ADCK1: variants seen among roughly 807,000 people sequenced by gnomAD.
The protein encoded by ADCK1 is aarF domain containing kinase 1.
In ADCK1, 41 loss-of-function variants were observed where a neutral mutation model predicts 52.3. The ratio of observed to expected loss-of-function variants is 0.78; its 90% CI spans 0.61 to 1.02. ADCK1 has a LOEUF of 1.02. Among genes scored for constraint, ADCK1 ranks in the 50% least tolerant of loss-of-function variants. ADCK1 has a pLI of 0.00. For missense variants in ADCK1, 658 were observed against 679.5 expected (o/e 0.97, Z 0.35); for synonymous variants, 250 against 274.6 (o/e 0.91, Z 0.89).
At chr14:77,908,338 A>C (rs935398377) in intron 7 of ADCK1, 1 of 161,530 alleles carries the variant, frequency 6.2e-6, no homozygotes, top group African/African-American at 2.4e-5. Flanking sequence ...AGGGGACAGC[A>C]GCAACCAACT....
At chr14:77,857,753 G>GC (rs2082451750) in intron 3 of ADCK1, among the ~76,000 whole-genome samples, 1 of 152,086 alleles carries the variant, frequency 6.6e-6, no homozygotes, top group South Asian at 2.1e-4. Context: ...TGATTTTATG[G>GC]CCCCCAATAT....
chr14:77,813,637 C>T (rs1178604264), intron 1 of ADCK1, among the ~76,000 whole-genome samples: 1 of 151,954 alleles, frequency 6.6e-6, no homozygotes, highest in Admixed American at 6.6e-5. Context: ...CCTTAAAAAT[C>T]GTTGCTTGCA....
chr14:77,867,646 G>A (rs1442362349), intron 4 of ADCK1, among the ~76,000 whole-genome samples: 1 of 152,136 alleles, frequency 6.6e-6, no homozygotes, highest in Non-Finnish European at 1.5e-5. Flanking sequence ...GGCAATGGTC[G>A]AGGTGGCCCT....
intron 4 of ADCK1, among the ~76,000 whole-genome samples, chr14:77,870,007 G>A (rs986946591): frequency 2.6e-5 from 4 of 152,196 alleles, no homozygotes; most frequent in Admixed American, 6.5e-5. Flanking sequence ...TTATAAAAAC[G>A]TGAGAATGGA....
intron 2 of ADCK1, among the ~76,000 whole-genome samples, chr14:77,819,647 T>C (rs1202161194): frequency 6.6e-6 from 1 of 152,238 alleles, no homozygotes; most frequent in Non-Finnish European, 1.5e-5. Context: ...GAATATTTTA[T>C]GTTTAGAGGT....
intron 6 of ADCK1, 27 bp downstream of exon 6, chr14:77,899,285 A>G (rs769863179): frequency 8.1e-6 from 13 of 1,612,786 alleles, no homozygotes; most frequent in Middle Eastern, 1.6e-4. Context: ...AATGCAGGGT[A>G]TGGTGGTCTG....
At chr14:77,822,037 A>T (rs1396997872) in intron 2 of ADCK1, among the ~76,000 whole-genome samples, 1 of 149,544 alleles carries the variant, frequency 6.7e-6, no homozygotes, top group Non-Finnish European at 1.5e-5. Flanking sequence ...TGTGCCTGGC[A>T]GTGTAAAAGG....
intron 4 of ADCK1, among the ~76,000 whole-genome samples, chr14:77,874,395 G>A (rs1466232712): frequency 6.6e-6 from 1 of 152,168 alleles, no homozygotes; most frequent in Non-Finnish European, 1.5e-5. Context: ...TGGAGGAGGT[G>A]AGAGGTGAGC....
chr14:77,900,706 C>G (rs974009924), intron 6 of ADCK1: 1 of 419,048 alleles, frequency 2.4e-6, no homozygotes. Flanking sequence ...CAATGTGGCA[C>G]GGCTCTGCTG....
In ADCK1 at chr14:77,843,392, T is replaced by C. The variant is rs918746079; in HGVS notation, c.220-15684T>C. On this transcript the variant is annotated intron_variant, in intron 3 of 10. Transcript: ENST00000238561. ...ATTGCCATTCCAGAGATGCCCTCAC[T>C]CTTCTAGCCGCTGAACAACTGTTGA... Among the ~76,000 whole-genome samples, 6 of 152,168 alleles carry C rather than the reference T, an allele frequency of 3.9e-5. 1 individual carries two copies. The highest frequency in any genetic ancestry group is 3.9e-4 in the Admixed American group (6 of 15,266).
At chr14:77,814,647 G>C (rs898961738) in intron 1 of ADCK1, among the ~76,000 whole-genome samples, 1 of 131,040 alleles carries the variant, frequency 7.6e-6, no homozygotes, top group African/African-American at 2.9e-5. Flanking sequence ...GCAGTAAGTT[G>C]AGATTGTGCC....
chr14:77,883,128 G>T lies in ADCK1; in HGVS notation c.424-3963G>T, dbSNP rs370053794. Among the ~76,000 whole-genome samples the T allele has an allele frequency of 1.1e-4, 17 of 152,078 alleles. 1 individual carries two copies. In the South Asian group the frequency reaches 3.5e-3, roughly 32 times the overall value. ...CATCGATATATTTGAATCACGGGCC[G>T]ACAGTAATTAAAAAGCACGTAACTA... On this transcript the variant is annotated intron_variant, in intron 4 of 10. Coordinates refer to ENST00000238561, the MANE Select transcript of ADCK1 (RefSeq NM_020421.4).
At chr14:77,898,282 A>G (rs1239160620) in intron 5 of ADCK1, among the ~76,000 whole-genome samples, 1 of 152,194 alleles carries the variant, frequency 6.6e-6, no homozygotes, top group African/African-American at 2.4e-5. Context: ...AAAAGGGATG[A>G]TAAGATGTGT....
chr14:77,838,736 C>G (rs1373045554), intron 3 of ADCK1, among the ~76,000 whole-genome samples: 1 of 152,192 alleles, frequency 6.6e-6, no homozygotes, highest in Non-Finnish European at 1.5e-5. Flanking sequence ...ATCTTTACCC[C>G]CTAACCCCCA....
chr14:77,804,017 G>A (rs1201810183), intron 1 of ADCK1, among the ~76,000 whole-genome samples: 1 of 152,138 alleles, frequency 6.6e-6, no homozygotes, highest in Non-Finnish European at 1.5e-5. Flanking sequence ...AATAATATTT[G>A]TCTCTCCTCA....
At chr14:77,901,071 G>A (rs1276910371) in intron 6 of ADCK1, among the ~76,000 whole-genome samples, 2 of 145,722 alleles carry the variant, frequency 1.4e-5, no homozygotes, top group East Asian at 4.0e-4. Context: ...TTGAGACAGA[G>A]TCTCGCTCTG....
chr14:77,913,975 G>C (rs2083857049), intron 7 of ADCK1, among the ~76,000 whole-genome samples: 2 of 152,200 alleles, frequency 1.3e-5, no homozygotes, highest in Non-Finnish European at 2.9e-5. Flanking sequence ...TGTTCCCAGA[G>C]CATCAGTCTC....
At chr14:77,836,810 G>A (rs1340026786) in intron 3 of ADCK1, among the ~76,000 whole-genome samples, 1 of 115,258 alleles carries the variant, frequency 8.7e-6, no homozygotes, top group Non-Finnish European at 1.6e-5. Flanking sequence ...GTCTTGCTCT[G>A]TCATCTAGAC....
At chr14:77,848,230 G>A (rs1009044517) in intron 3 of ADCK1, among the ~76,000 whole-genome samples, 1 of 152,184 alleles carries the variant, frequency 6.6e-6, no homozygotes, top group African/African-American at 2.4e-5. Context: ...CAAGGAATGT[G>A]TAATGGTGTG....
Sources: gnomAD v4.1 joint callset for allele counts (sites outside exome capture counted in the v4.1 genomes callset) on GRCh38, gnomAD v4.1.1 for gene constraint, MANE v1.5 for transcripts, NCBI Gene and HGNC (gene_info 2026-07-23, HGNC 2026-07-21) for gene names.